MYO1E: variants seen among roughly 807,000 people sequenced by gnomAD.
MYO1E encodes the protein unconventional myosin-Ie.
In MYO1E, 68 loss-of-function variants were observed where a neutral mutation model predicts 151.1. The observed-to-expected ratio is 0.45, with a 90% CI of 0.37 to 0.55. The LOEUF is 0.55. Ranked by LOEUF, MYO1E falls within the 20% of genes least tolerant of loss-of-function variation. The probability of loss-of-function intolerance (pLI) is 0.00; values close to 1 mark genes in which losing one functional copy is unlikely to be tolerated. For synonymous variants in MYO1E, 601 were observed against 501.7 expected, an observed-to-expected ratio of 1.20 and a Z score of -2.64; for missense variants, 1,363 against 1,389.3, an observed-to-expected ratio of 0.98 and a Z score of 0.30.
At chr15:59,226,066 T>G (rs1377226545) in intron 7 of MYO1E, among the ~76,000 whole-genome samples, 3 of 152,196 alleles carry the variant, frequency 2.0e-5, no homozygotes, top group Non-Finnish European at 4.4e-5. Context: ...TTGCATTTAT[T>G]TAAAGAAGTC....
rs753150387 is a variant in MYO1E, at chr15:59,206,987, C to G, written c.1531-1502G>C. 4.3e-6 allele frequency: 7 copies of G among 1,614,024 alleles called. No homozygotes were observed. The African/African-American group carries it at 9.3e-5, about 22-fold the overall frequency. The stretch of plus-strand genomic sequence containing the variant: ...GTGCGGGCCAGCCAGAGAGTGAGCT[C>G]GGTGGGAGCGAATTTCCTATGCCTG... On this transcript the variant is annotated intron_variant, in intron 14 of 27. Transcript: ENST00000288235.
intron 1 of MYO1E, among the ~76,000 whole-genome samples, chr15:59,360,498 G>C (rs537257514): frequency 6.6e-6 from 1 of 152,204 alleles, no homozygotes; most frequent in African/African-American, 2.4e-5. Context: ...CTGTCCAGCA[G>C]GCCATCGAGC....
At chr15:59,241,052 C>T (rs2080096733) in intron 4 of MYO1E, among the ~76,000 whole-genome samples, 1 of 152,314 alleles carries the variant, frequency 6.6e-6, no homozygotes. Context: ...CAGAAGATTA[C>T]TAAACGAAGT....
At chr15:59,207,825 T>C (rs1245174830) in intron 14 of MYO1E, 1 of 1,614,196 alleles carries the variant, frequency 6.2e-7, no homozygotes, top group African/African-American at 1.3e-5. Context: ...AAATGAAAGG[T>C]TATACTTCTT....
At chr15:59,138,783 G>C (rs555257948) in intron 26 of MYO1E, among the ~76,000 whole-genome samples, 2 of 152,130 alleles carry the variant, frequency 1.3e-5, no homozygotes, top group South Asian at 4.1e-4. Context: ...ATTCCCCCCA[G>C]ATTACCACCA....
At chr15:59,328,507 T>C (rs1338552276) in intron 1 of MYO1E, among the ~76,000 whole-genome samples, 2 of 150,618 alleles carry the variant, frequency 1.3e-5, no homozygotes, top group African/African-American at 2.5e-5. Flanking sequence ...CCCAGTTGTG[T>C]TGTTGGTATC....
intron 9 of MYO1E, among the ~76,000 whole-genome samples, chr15:59,222,402 T>C (rs2079961519): frequency 6.6e-6 from 1 of 152,226 alleles, no homozygotes. Context: ...TTTGGGCACA[T>C]GTAACCAGCA....
At position 59,225,348 on chromosome 15, in the gene MYO1E, A is replaced by G. The variant is rs1469297816; in HGVS notation, c.643-525T>C. Among the ~76,000 whole-genome samples, 3 of 152,114 alleles carry G rather than the reference A, an allele frequency of 2.0e-5. No individual in the cohort carries two copies. The East Asian group carries it at 5.8e-4, about 29-fold the overall frequency. ...ACTCTGGCGGAACCCTTGCATGGCT[A>G]TTTTTCAGTGCCTAAATCCAACAGC... On this transcript the variant is annotated intron_variant, in intron 7 of 27. Transcript: ENST00000288235.
At chr15:59,235,179 T>C (rs928141650) in intron 5 of MYO1E, among the ~76,000 whole-genome samples, 3 of 152,206 alleles carry the variant, frequency 2.0e-5, no homozygotes, top group African/African-American at 7.2e-5. Flanking sequence ...TTAAATCCTT[T>C]CTCTGTCTAC....
chr15:59,161,446 C>T (rs372410004), intron 23 of MYO1E, among the ~76,000 whole-genome samples: 32 of 152,164 alleles, frequency 2.1e-4, no homozygotes, highest in African/African-American at 7.2e-4. Context: ...ATCTGGGGCC[C>T]GGTACCGTGA....
intron 9 of MYO1E, among the ~76,000 whole-genome samples, 196 bp downstream of exon 9, chr15:59,222,862 TG>T (rs1425365214): frequency 4.6e-5 from 7 of 152,280 alleles, no homozygotes; most frequent in African/African-American, 1.7e-4. Flanking sequence ...TTGGAAAGGC[TG>T]GGGGTAAGGA....
chr15:59,342,119 T>C (rs775150194), intron 1 of MYO1E, among the ~76,000 whole-genome samples: 2 of 152,270 alleles, frequency 1.3e-5, no homozygotes, highest in Non-Finnish European at 2.9e-5. Flanking sequence ...GGCATGTCTC[T>C]GATTTTCAGT....
intron 16 of MYO1E, among the ~76,000 whole-genome samples, chr15:59,196,515 G>C (rs1272709428): frequency 1.3e-5 from 2 of 152,112 alleles, no homozygotes; most frequent in African/African-American, 4.8e-5. Flanking sequence ...AAAGCCAAAA[G>C]GGACCTCCAA....
At chr15:59,255,676 C>T (rs905610081) in intron 4 of MYO1E, among the ~76,000 whole-genome samples, 2 of 152,180 alleles carry the variant, frequency 1.3e-5, no homozygotes, top group South Asian at 4.1e-4. Flanking sequence ...ATAAAATACA[C>T]TAACACAAAC....
At chr15:59,233,624 A>C (rs3794488) in intron 5 of MYO1E, among the ~76,000 whole-genome samples, 1 of 140,574 alleles carries the variant, frequency 7.1e-6, no homozygotes, top group Non-Finnish European at 1.5e-5. Context: ...AGATCGCACC[A>C]CTGCACTCCA....
chr15:59,241,214 C>T (rs1375508129), intron 4 of MYO1E, among the ~76,000 whole-genome samples: 1 of 152,050 alleles, frequency 6.6e-6, no homozygotes, highest in Non-Finnish European at 1.5e-5. Flanking sequence ...ATGAAGGGAA[C>T]CATGGGTAGT....
chr15:59,195,295 G>A (rs2079759679), intron 17 of MYO1E, among the ~76,000 whole-genome samples, 166 bp downstream of exon 17: 1 of 152,150 alleles, frequency 6.6e-6, no homozygotes. Context: ...CAAATGACAC[G>A]GAGGGGAAAC....
chr15:59,203,462 C>T (rs2079814624), intron 15 of MYO1E, among the ~76,000 whole-genome samples: 2 of 152,018 alleles, frequency 1.3e-5, no homozygotes, highest in African/African-American at 4.8e-5. Flanking sequence ...TCGCTGCAAC[C>T]TCTGCCTCCC....
At chr15:59,241,205 T>C (rs189782771) in intron 4 of MYO1E, among the ~76,000 whole-genome samples, 201 of 152,212 alleles carry the variant, frequency 1.3e-3, no homozygotes, top group Non-Finnish European at 5.0e-4. Context: ...GGGGTACACA[T>C]GAAGGGAACC....
Sources: gnomAD v4.1 joint callset for allele counts (sites outside exome capture counted in the v4.1 genomes callset) on GRCh38, gnomAD v4.1.1 for gene constraint, MANE v1.5 for transcripts, NCBI Gene and HGNC (gene_info 2026-07-23, HGNC 2026-07-21) for gene names.